Variants in PCDHGA6 observed in about 807,000 individuals in gnomAD.
PCDHGA6 encodes protocadherin gamma-A6.
A neutral mutation model predicts 60.6 loss-of-function variants in PCDHGA6; 41 were observed. The observed-to-expected ratio is 0.68, with a 90% CI of 0.53 to 0.88. The LOEUF (loss-of-function observed/expected upper bound fraction) is 0.88, where lower values mean the gene tolerates loss of function less well. PCDHGA6 is among the 40% of genes least tolerant of loss of function. The pLI is 0.00. For missense variants in PCDHGA6, 1,312 were observed against 1,203.0 expected (o/e 1.09, Z -1.34); for synonymous variants, 594 against 524.4 (o/e 1.13, Z -1.81).
chr5:141,399,731 CGCCTGCGCTCAGCGCAAACGTGA>C (rs777966215), intron 1 of PCDHGA6: 5 of 1,613,174 alleles, frequency 3.1e-6, no homozygotes, highest in Admixed American at 1.7e-5. Flanking sequence ...GACCAGGGCT[CGCCTGCGCTCAGCGCAAACGTGA>C]GCCTGCGCGT....
chr5:141,504,241 A>G (rs1282647590), intron 2 of PCDHGA6, among the ~76,000 whole-genome samples: 1 of 152,156 alleles, frequency 6.6e-6, no homozygotes, highest in Non-Finnish European at 1.5e-5. Flanking sequence ...AGAAGCAGAG[A>G]GTTCTTCTTA....
In PCDHGA6 at chr5:141,489,705, C is replaced by G; in HGVS notation, c.2425-5102C>G. The G allele has an allele frequency of 6.2e-7, 1 of 1,614,022 alleles. No homozygotes were observed. The highest frequency in any genetic ancestry group is 1.1e-5 in the South Asian group (1 of 91,074). ...CATCTGGGGCACGATTCCCACTGGA[C>G]AGTGCCCAGGATCCGGATGTGGGCA... On this transcript the variant is annotated intron_variant, in intron 1 of 3. Coordinates refer to ENST00000517434, the MANE Select transcript of PCDHGA6 (RefSeq NM_018919.3). The surrounding 1 kb of genome is among the most constrained non-coding windows in gnomAD (Gnocchi z 4.5).
In PCDHGA6 at chr5:141,491,907, G is replaced by A; in HGVS notation, c.2425-2900G>A. 5 of 1,408,726 alleles carry A rather than the reference G, an allele frequency of 3.5e-6. No homozygotes were observed. In the South Asian group the frequency reaches 7.5e-5, roughly 21 times the overall value. The allele number at this position is 1,408,726 out of a possible 1,614,324, so 87.3% of individuals were successfully genotyped here. A position where few individuals can be genotyped will look rare whatever the true frequency, so the allele number is the denominator to read the frequency against. ...TGGGGCTCCGAGCACCGGGGGTGGTGGCGACTGTGGGCGAGGGGAGGTGGG... is the reference window on the plus strand; with the variant it reads ...TGGGGCTCCGAGCACCGGGGGTGGTAGCGACTGTGGGCGAGGGGAGGTGGG... On this transcript the variant is annotated intron_variant, in intron 1 of 3. Coordinates refer to ENST00000517434, the MANE Select transcript of PCDHGA6 (RefSeq NM_018919.3). This position sits in a 1 kb window ranked among gnomAD's most constrained non-coding sequence, Gnocchi z 6.9.
At chr5:141,388,351 C>A in intron 1 of PCDHGA6, 1 of 1,614,016 alleles carries the variant, frequency 6.2e-7, no homozygotes. Flanking sequence ...ATATTAGGAT[C>A]TGCCCATGAT....
intron 1 of PCDHGA6, chr5:141,420,927 G>A (rs1257204379): frequency 2.8e-6 from 1 of 362,530 alleles, no homozygotes; most frequent in Non-Finnish European, 5.0e-6. Context: ...ACAAAGGTGA[G>A]CGTAATCATT....
chr5:141,393,051 C>G, intron 1 of PCDHGA6: 1 of 1,613,622 alleles, frequency 6.2e-7, no homozygotes, highest in South Asian at 1.1e-5. Flanking sequence ...TCTGAACCCG[C>G]GCAGCGGCAG....
intron 1 of PCDHGA6, among the ~76,000 whole-genome samples, chr5:141,463,318 C>A (rs2099056713): frequency 6.6e-6 from 1 of 151,878 alleles, no homozygotes; most frequent in East Asian, 1.9e-4. Flanking sequence ...ATATCTATTC[C>A]TCAACTCAGC....
At chr5:141,392,063 A>G (rs2092459837) in intron 1 of PCDHGA6, 1 of 152,218 alleles carries the variant, frequency 6.6e-6, no homozygotes, top group African/African-American at 2.4e-5. Context: ...TATTATCGAC[A>G]TGTAATTCAA....
intron 1 of PCDHGA6, among the ~76,000 whole-genome samples, chr5:141,435,605 C>T (rs776926758): frequency 1.1e-4 from 17 of 152,134 alleles, no homozygotes; most frequent in Non-Finnish European, 1.9e-4. Flanking sequence ...CTGCTTTTTA[C>T]ATTAAATTCC....
intron 1 of PCDHGA6, among the ~76,000 whole-genome samples, chr5:141,448,007 AC>A (rs1430481139): frequency 1.3e-5 from 2 of 151,784 alleles, no homozygotes; most frequent in Non-Finnish European, 2.9e-5. Context: ...AATCGCTTGA[AC>A]CCAGGAGGTG....
At chr5:141,506,563 C>T (rs925780739) in intron 3 of PCDHGA6, among the ~76,000 whole-genome samples, 2 of 152,062 alleles carry the variant, frequency 1.3e-5, no homozygotes, top group Non-Finnish European at 2.9e-5. Context: ...TAAACCCCCT[C>T]GGTTTCACTT....
intron 1 of PCDHGA6, chr5:141,405,435 T>TAG: frequency 6.8e-7 from 1 of 1,463,324 alleles, no homozygotes; most frequent in Non-Finnish European, 9.3e-7. Flanking sequence ...TTGTTTTGTT[T>TAG]TTGAGACAGA....
At chr5:141,397,770 A>G (rs913843546) in intron 1 of PCDHGA6, among the ~76,000 whole-genome samples, 13 of 152,238 alleles carry the variant, frequency 8.5e-5, no homozygotes, top group African/African-American at 2.2e-4. Flanking sequence ...TTTATTAAGT[A>G]TATGGACGTA....
At chr5:141,501,510 T>G (rs11744379) in intron 2 of PCDHGA6, among the ~76,000 whole-genome samples, 29,206 of 151,772 alleles carry the variant, frequency 0.19, 2,837 homozygotes, top group Middle Eastern at 0.24. Context: ...CTCCAAGGCC[T>G]CCAAGCTGAA....
chr5:141,409,942 C>G, intron 1 of PCDHGA6: 2 of 1,613,284 alleles, frequency 1.2e-6, no homozygotes, highest in Non-Finnish European at 1.7e-6. Context: ...TGGTACCTCG[C>G]TCTGCAGAGC....
rs1346536726 is a variant in PCDHGA6 at position 141,375,203 on chromosome 5, C to A, written c.1120C>A (p.Arg374=). 10 of 1,613,794 alleles carry A rather than the reference C, an allele frequency of 6.2e-6. No individual in the cohort carries two copies. In the Admixed American group the frequency reaches 1.3e-4, roughly 22 times the overall value. ...TVIALFQVFD[R]DSGLNGLVTC... is the part of the protein sequence containing the mutation. ...AATCGCCCTTTTTCAAGTGTTCGATCGAGACTCTGGCCTGAATGGCCTGGT... is the reference window on the plus strand; with the variant it reads ...AATCGCCCTTTTTCAAGTGTTCGATAGAGACTCTGGCCTGAATGGCCTGGT... Residue 374 remains arginine, a synonymous_variant, in exon 1 of 4, where the codon CGA becomes AGA. Transcript: ENST00000517434.
At chr5:141,451,640 G>A (rs2098720679) in intron 1 of PCDHGA6, among the ~76,000 whole-genome samples, 1 of 152,166 alleles carries the variant, frequency 6.6e-6, no homozygotes, top group South Asian at 2.1e-4. Context: ...CCAGCACTCT[G>A]AGAGGCCAAG....
intron 1 of PCDHGA6, among the ~76,000 whole-genome samples, chr5:141,456,359 G>A (rs2098853225): frequency 6.6e-6 from 1 of 152,158 alleles, no homozygotes; most frequent in Non-Finnish European, 1.5e-5. Context: ...TGGCGTCCAT[G>A]TGTGGTTCAG....
chr5:141,489,089 A>C lies in PCDHGA6; in HGVS notation c.2425-5718A>C. 6 of 284,452 alleles carry C rather than the reference A, an allele frequency of 2.1e-5. No individual in the cohort carries two copies. The highest frequency in any genetic ancestry group is 5.7e-5 in the East Asian group (1 of 17,568). The allele number at this position is 284,452 out of a possible 1,614,324, so 17.6% of individuals were successfully genotyped here. A position where few individuals can be genotyped will look rare whatever the true frequency, so the allele number is the denominator to read the frequency against. Reference sequence around the variant, plus strand: ...CCCTGCCCACCCCCGCCACTCGGTGACTAAGAACTGCTGCAAGCAGGCAAA... The same window carrying C: ...CCCTGCCCACCCCCGCCACTCGGTGCCTAAGAACTGCTGCAAGCAGGCAAA... On this transcript the variant is annotated intron_variant, in intron 1 of 3. Transcript: ENST00000517434. This position sits in a 1 kb window ranked among gnomAD's most constrained non-coding sequence, Gnocchi z 4.5.
Sources: gnomAD v4.1 joint callset for allele counts (sites outside exome capture counted in the v4.1 genomes callset) on GRCh38, gnomAD v4.1.1 for gene constraint, Gnocchi (gnomAD v3.1) non-coding constraint, MANE v1.5 for transcripts, NCBI Gene and HGNC (gene_info 2026-07-23, HGNC 2026-07-21) for gene names.